The following MTHFD1L variants were observed in gnomAD, a reference collection of about 807,000 sequenced individuals.
The protein encoded by MTHFD1L is monofunctional C1-tetrahydrofolate synthase, mitochondrial.
MTHFD1L carries 81 observed loss-of-function variants against 119.5 expected under a neutral mutation model. The observed-to-expected ratio is 0.68, with a 90% CI of 0.57 to 0.82. The LOEUF is 0.82. MTHFD1L is among the 40% of genes least tolerant of loss of function. The pLI, the probability that MTHFD1L is intolerant of heterozygous loss-of-function variation, is 0.00. For missense variants in MTHFD1L, 1,125 were observed against 1,253.4 expected (o/e 0.90, Z 1.55); for synonymous variants, 430 against 475.2 (o/e 0.90, Z 1.24).
intron 1 of MTHFD1L, among the ~76,000 whole-genome samples, chr6:150,870,126 G>C (rs1779151579): frequency 6.6e-6 from 1 of 152,182 alleles, no homozygotes; most frequent in Non-Finnish European, 1.5e-5. Flanking sequence ...CAAAGCTGCT[G>C]CTGATGGCTT....
intron 10 of MTHFD1L, among the ~76,000 whole-genome samples, chr6:150,924,600 C>T (rs1409500489): frequency 6.6e-6 from 1 of 152,078 alleles, no homozygotes; most frequent in Non-Finnish European, 1.5e-5. Flanking sequence ...CCTCGGCCTC[C>T]CGAGTAGCTG....
Position 151,014,883 on chromosome 6 carries a change from A to G in MTHFD1L, c.2311A>G (p.Ile771Val). 6.2e-7 allele frequency: 1 copy of G among 1,613,960 alleles called. No individual in the cohort carries two copies. The highest frequency in any genetic ancestry group is 8.5e-7 in the Non-Finnish European group (1 of 1,179,942). The stretch of plus-strand genomic sequence containing the variant: ...TTTGCTTTTTTCTTTTTTACAGAAC[A>G]TCCAGCTGGTGGCAGACGGCTGCTG... ...PLKKEYTEENIQLVADGCCNL... is the reference protein window; with the variant it reads ...PLKKEYTEENVQLVADGCCNL... The change falls in exon 23 of 28, where the codon ATC becomes GTC. Residue 771 changes from isoleucine (I) to valine (V), a missense_variant. By Grantham distance (29) the Ile-to-Val change is conservative. Transcript: ENST00000367321.
At chr6:150,894,505 C>T (rs1162692478) in intron 7 of MTHFD1L, among the ~76,000 whole-genome samples, 1 of 152,154 alleles carries the variant, frequency 6.6e-6, no homozygotes, top group Non-Finnish European at 1.5e-5. Context: ...CAGTCAGGCT[C>T]ATCTTCCAGT....
At chr6:150,910,056 C>T (rs1332620494) in intron 8 of MTHFD1L, among the ~76,000 whole-genome samples, 1 of 151,926 alleles carries the variant, frequency 6.6e-6, no homozygotes, top group Admixed American at 6.6e-5. Flanking sequence ...TGGCAGGCAC[C>T]TGTAATCCCA....
intron 27 of MTHFD1L, among the ~76,000 whole-genome samples, chr6:151,096,521 G>T (rs971069237): frequency 6.6e-6 from 1 of 152,118 alleles, no homozygotes; most frequent in African/African-American, 2.4e-5. Context: ...TCTCACTATA[G>T]CCATCAGGGA....
At chr6:150,884,451 T>C (rs1002909899) in intron 5 of MTHFD1L, among the ~76,000 whole-genome samples, 1 of 152,066 alleles carries the variant, frequency 6.6e-6, no homozygotes, top group African/African-American at 2.4e-5. Context: ...CTTGTCTCTA[T>C]TTTTAAGTAA....
intron 26 of MTHFD1L, among the ~76,000 whole-genome samples, chr6:151,040,460 G>A (rs978528352): frequency 4.6e-5 from 7 of 152,142 alleles, no homozygotes; most frequent in African/African-American, 1.2e-4. Flanking sequence ...CTTACAATCC[G>A]AGCACTTTTG....
chr6:150,866,270 A>G (rs1778283217), intron 1 of MTHFD1L: 6 of 1,450,976 alleles, frequency 4.1e-6, no homozygotes, highest in Non-Finnish European at 5.4e-6. Flanking sequence ...CCGGGCCCGC[A>G]GCGCAGGTGG....
At chr6:151,055,865 G>A (rs2128589961) in intron 26 of MTHFD1L, 1 of 152,248 alleles carries the variant, frequency 6.6e-6, no homozygotes, top group South Asian at 2.1e-4. Flanking sequence ...CATCCTATCA[G>A]TTACTGTAAG....
At chr6:150,978,178 G>A (rs1447011536) in intron 20 of MTHFD1L, among the ~76,000 whole-genome samples, 2 of 152,008 alleles carry the variant, frequency 1.3e-5, no homozygotes, top group Admixed American at 1.3e-4. Context: ...GATTACAGGT[G>A]TGAGCTGCCG....
intron 7 of MTHFD1L, among the ~76,000 whole-genome samples, chr6:150,896,894 G>A (rs577359320): frequency 6.6e-6 from 1 of 152,050 alleles, no homozygotes; most frequent in South Asian, 2.1e-4. Context: ...GGATCATGAG[G>A]TCAGGAATCG....
At chr6:151,033,863 A>G (rs1714867243) in intron 24 of MTHFD1L, among the ~76,000 whole-genome samples, 1 of 152,198 alleles carries the variant, frequency 6.6e-6, no homozygotes, top group Non-Finnish European at 1.5e-5. Flanking sequence ...CTGTCCTGAC[A>G]TATATGATTA....
At chr6:150,887,783 A>C in intron 6 of MTHFD1L, 62 bp from the exon 7 acceptor site, 1 of 1,484,492 alleles carries the variant, frequency 6.7e-7, no homozygotes, top group Admixed American at 2.5e-5. Context: ...TCTTAAGATA[A>C]AGTTCTTAAA....
chr6:150,918,705 G>A (rs1257158783), intron 9 of MTHFD1L, 37 bp downstream of exon 9: 7 of 1,559,378 alleles, frequency 4.5e-6, no homozygotes, highest in South Asian at 4.5e-5. Context: ...TCTTGAGTTT[G>A]GAAGTTTGAT....
intron 12 of MTHFD1L, among the ~76,000 whole-genome samples, chr6:150,937,866 T>G (rs925404838): frequency 6.6e-6 from 1 of 152,224 alleles, no homozygotes; most frequent in Non-Finnish European, 1.5e-5. Flanking sequence ...TGGGCGGTGT[T>G]GTTCTGCTTT....
At chr6:150,920,572 A>C (rs1054518441) in intron 9 of MTHFD1L, among the ~76,000 whole-genome samples, 1 of 152,198 alleles carries the variant, frequency 6.6e-6, no homozygotes, top group Non-Finnish European at 1.5e-5. Context: ...ATATGCATAC[A>C]TAACACTACT....
chr6:151,031,626 T>C (rs560226541), intron 24 of MTHFD1L, among the ~76,000 whole-genome samples: 3 of 152,382 alleles, frequency 2.0e-5, no homozygotes, highest in Admixed American at 1.3e-4. Context: ...TGCATATATC[T>C]TCTTCCAGTC....
intron 27 of MTHFD1L, among the ~76,000 whole-genome samples, chr6:151,100,901 G>A (rs1795316547): frequency 6.6e-6 from 1 of 152,108 alleles, no homozygotes; most frequent in African/African-American, 2.4e-5. Context: ...GTTCATACCT[G>A]TAATCCCAGC....
intron 26 of MTHFD1L, among the ~76,000 whole-genome samples, chr6:151,062,456 T>G (rs761078815): frequency 5.3e-5 from 8 of 152,098 alleles, no homozygotes; most frequent in Non-Finnish European, 1.2e-4. Flanking sequence ...CTTTTGCTCC[T>G]CTTTGCTCTT....
Sources: gnomAD v4.1 joint callset for allele counts (sites outside exome capture counted in the v4.1 genomes callset) on GRCh38, gnomAD v4.1.1 for gene constraint, MANE v1.5 for transcripts, NCBI Gene and HGNC (gene_info 2026-07-23, HGNC 2026-07-21) for gene names.